The following CLCN3 variants were observed in gnomAD, a reference collection of about 807,000 sequenced individuals.
The protein encoded by CLCN3 is Cl-/H+ antiporter 3.
A neutral mutation model predicts 83.4 loss-of-function variants in CLCN3; 16 were observed. The observed-to-expected ratio is 0.19, with a 90% CI of 0.13 to 0.29. CLCN3 has a LOEUF of 0.29. Ranked by LOEUF, CLCN3 falls within the 10% of genes least tolerant of loss-of-function variation. CLCN3 has a pLI of 1.00. For missense variants in CLCN3, 544 were observed against 1,006.0 expected (o/e 0.54, Z 6.21); for synonymous variants, 322 against 346.2 (o/e 0.93, Z 0.78).
intron 1 of CLCN3, among the ~76,000 whole-genome samples, chr4:169,624,386 G>A (rs899119653): frequency 5.1e-4 from 77 of 152,176 alleles, no homozygotes; most frequent in African/African-American, 1.8e-3. Context: ...GACCCGCCTC[G>A]GCCACCCAAA....
At position 169,707,254 on chromosome 4, in the gene CLCN3, A is replaced by T; in HGVS notation, c.2137A>T (p.Thr713Ser). Residue 713 changes from threonine to serine, a missense_variant, in exon 11 of 13, where the codon ACA becomes TCA. Coordinates refer to ENST00000513761, the MANE Select transcript of CLCN3 (RefSeq NM_001829.4). ...GGGATTTGCCCTCAGAAGAGACCTG[A>T]CAATTGCAATAGGTACCCTTTCAAA... ...LVGFALRRDLTIAIESARKKQ... is the reference protein window; with the variant it reads ...LVGFALRRDLSIAIESARKKQ... The T allele has an allele frequency of 6.2e-7, 1 of 1,601,786 alleles. No individual in the cohort carries two copies. The highest frequency in any genetic ancestry group is 8.5e-7 in the Non-Finnish European group (1 of 1,174,906).
intron 2 of CLCN3, among the ~76,000 whole-genome samples, chr4:169,678,041 A>G (rs1484053246): frequency 6.6e-6 from 1 of 152,212 alleles, no homozygotes; most frequent in Non-Finnish European, 1.5e-5. Flanking sequence ...TGAGAAGAGG[A>G]TGTGTGAGAT....
intron 3 of CLCN3, among the ~76,000 whole-genome samples, chr4:169,682,973 C>G (rs571946034): frequency 6.6e-6 from 1 of 152,156 alleles, no homozygotes; most frequent in Non-Finnish European, 1.5e-5. Context: ...TCCAAGGTGC[C>G]AGTAGACCGT....
intron 3 of CLCN3, among the ~76,000 whole-genome samples, chr4:169,683,576 A>G (rs1228304929): frequency 1.3e-5 from 2 of 152,188 alleles, no homozygotes; most frequent in Non-Finnish European, 2.9e-5. Context: ...TGCAAATAGT[A>G]TAGCAATATA....
chr4:169,697,495 G>T lies in CLCN3; in HGVS notation c.1324G>T (p.Ala442Ser). Residue 442 changes from alanine to serine, a missense_variant, in exon 9 of 13, where the codon GCC (alanine) becomes TCC (serine). Ala to Ser is a moderately conservative substitution (Grantham distance 99). Coordinates refer to ENST00000513761, the MANE Select transcript of CLCN3 (RefSeq NM_001829.4). ...IIVAAITAVI[A>S]FPNPYTRLNT... The stretch of plus-strand genomic sequence containing the variant: ...TGTTGCAGCCATTACTGCTGTGATA[G>T]CCTTCCCTAATCCATACACTAGGCT... The T allele has an allele frequency of 6.2e-7, 1 of 1,614,152 alleles. No individual in the cohort carries two copies. Among genetic ancestry groups the T allele is most frequent in the African/African-American group, 1.3e-5 (1 of 75,040 alleles).
At chr4:169,705,290 T>C (rs1014889034) in intron 10 of CLCN3, among the ~76,000 whole-genome samples, 1 of 152,188 alleles carries the variant, frequency 6.6e-6, no homozygotes, top group Non-Finnish European at 1.5e-5. Context: ...AAATTGACTC[T>C]AGAGAGTATA....
chr4:169,720,794 G>A lies in CLCN3; in HGVS notation c.*797G>A, dbSNP rs1246276793. On this transcript the variant is annotated 3_prime_UTR_variant, in exon 13 of 13. Transcript: ENST00000513761. ...GGAAGCGAGAACGAAATCTCTCATT[G>A]TGTGCCGTGTGGCTCAAAACCGAAA... 3 of 152,646 alleles carry A rather than the reference G, an allele frequency of 2.0e-5. No homozygotes were observed. Among genetic ancestry groups the A allele is most frequent in the Non-Finnish European group, 4.4e-5 (3 of 68,048 alleles). The allele number at this position is 152,646 out of a possible 1,614,324, so 9.5% of individuals were successfully genotyped here.
intron 2 of CLCN3, among the ~76,000 whole-genome samples, chr4:169,668,232 C>T (rs1331969285): frequency 6.6e-6 from 1 of 151,752 alleles, no homozygotes; most frequent in Non-Finnish European, 1.5e-5. Context: ...CCCAGGCTCC[C>T]TTGAACTCCT....
chr4:169,686,090 G>A (rs1228322386), intron 3 of CLCN3, among the ~76,000 whole-genome samples: 2 of 151,934 alleles, frequency 1.3e-5, no homozygotes, highest in South Asian at 2.1e-4. Context: ...ACCAAACATC[G>A]CATGTTCTCA....
At chr4:169,679,446 A>C (rs1251281813) in intron 2 of CLCN3, among the ~76,000 whole-genome samples, 1 of 149,652 alleles carries the variant, frequency 6.7e-6, no homozygotes, top group African/African-American at 2.5e-5. Flanking sequence ...ATCCCAGACG[A>C]TGGGCAGTCA....
chr4:169,664,583 T>G (rs1222690311), intron 2 of CLCN3, among the ~76,000 whole-genome samples: 1 of 152,198 alleles, frequency 6.6e-6, no homozygotes, highest in African/African-American at 2.4e-5. Flanking sequence ...TGTCTGTAAA[T>G]TAAAGGAACA....
At chr4:169,703,976 A>G (rs1732894369) in intron 9 of CLCN3, 22 bp from the exon 10 acceptor site, 12 of 1,611,654 alleles carry the variant, frequency 7.4e-6, no homozygotes, top group Non-Finnish European at 1.0e-5. Context: ...CTGCTCCATA[A>G]AGAGTTCTGT....
chr4:169,694,695 C>T (rs1016697707), intron 7 of CLCN3, among the ~76,000 whole-genome samples: 4 of 152,050 alleles, frequency 2.6e-5, no homozygotes, highest in East Asian at 1.9e-4. Context: ...AAAAATTAGC[C>T]GGGCGTGGTG....
intron 2 of CLCN3, among the ~76,000 whole-genome samples, chr4:169,665,919 C>T (rs1731227775): frequency 6.6e-6 from 1 of 151,326 alleles, no homozygotes; most frequent in Admixed American, 6.6e-5. Context: ...AGGCTCCTGC[C>T]AGTGTCACTG....
intron 2 of CLCN3, among the ~76,000 whole-genome samples, chr4:169,637,203 A>T (rs565264683): frequency 2.6e-5 from 4 of 152,074 alleles, no homozygotes; most frequent in Non-Finnish European, 4.4e-5. Flanking sequence ...TCCCTGTTTT[A>T]TAGGAGTTCA....
At chr4:169,640,830 A>G (rs1318243915) in intron 2 of CLCN3, among the ~76,000 whole-genome samples, 1 of 152,186 alleles carries the variant, frequency 6.6e-6, no homozygotes, top group Non-Finnish European at 1.5e-5. Flanking sequence ...ATTGAGATTG[A>G]CTGATGGGGT....
At chr4:169,648,197 A>G (rs1017253874) in intron 2 of CLCN3, among the ~76,000 whole-genome samples, 1 of 152,220 alleles carries the variant, frequency 6.6e-6, no homozygotes, top group Non-Finnish European at 1.5e-5. Flanking sequence ...GCTGAAATCT[A>G]TGTAAAGTCT....
intron 2 of CLCN3, among the ~76,000 whole-genome samples, chr4:169,673,672 A>C (rs982091724): frequency 2.0e-5 from 3 of 152,142 alleles, no homozygotes; most frequent in Non-Finnish European, 2.9e-5. Context: ...AAAATATTTC[A>C]TAGTAGGCTT....
intron 7 of CLCN3, among the ~76,000 whole-genome samples, chr4:169,693,283 A>C (rs895929467): frequency 6.6e-6 from 1 of 152,242 alleles, no homozygotes; most frequent in Non-Finnish European, 1.5e-5. Context: ...GGAATACTTC[A>C]GATTGTCGTA....
Sources: gnomAD v4.1 joint callset for allele counts (sites outside exome capture counted in the v4.1 genomes callset) on GRCh38, gnomAD v4.1.1 for gene constraint, MANE v1.5 for transcripts, NCBI Gene and HGNC (gene_info 2026-07-23, HGNC 2026-07-21) for gene names.